RBMS3: variants seen among roughly 807,000 people sequenced by gnomAD.
RBMS3 encodes RNA-binding motif, single-stranded-interacting protein 3.
Under a neutral mutation model 66.8 loss-of-function variants are expected in RBMS3, and 27 were observed. The observed-to-expected ratio is 0.40, with a 90% CI of 0.30 to 0.56. The LOEUF (loss-of-function observed/expected upper bound fraction) is 0.56. Among genes scored for constraint, RBMS3 ranks in the 20% least tolerant of loss-of-function variants. The pLI is 0.40. For synonymous variants in RBMS3, 188 were observed against 183.0 expected (o/e 1.03, Z -0.22); for missense variants, 513 against 549.5 (o/e 0.93, Z 0.66).
chr3:29,622,125 A>T (rs1188352387), intron 4 of RBMS3, among the ~76,000 whole-genome samples: 1 of 152,250 alleles, frequency 6.6e-6, no homozygotes, highest in Non-Finnish European at 1.5e-5. Flanking sequence ...GAATATATTC[A>T]TGTATTCCTC....
chr3:29,640,425 A>G (rs1338913079), intron 4 of RBMS3, among the ~76,000 whole-genome samples: 1 of 151,992 alleles, frequency 6.6e-6, no homozygotes, highest in South Asian at 2.1e-4. Flanking sequence ...CATTTTAAAC[A>G]AACACAATTC....
At chr3:29,626,217 A>G (rs1047178678) in intron 4 of RBMS3, among the ~76,000 whole-genome samples, 1 of 152,222 alleles carries the variant, frequency 6.6e-6, no homozygotes, top group African/African-American at 2.4e-5. Context: ...CAAGTCACTT[A>G]AACTCTGCGT....
At chr3:29,426,841 A>G (rs1398619984) in intron 1 of RBMS3, among the ~76,000 whole-genome samples, 2 of 151,096 alleles carry the variant, frequency 1.3e-5, no homozygotes, top group Non-Finnish European at 3.0e-5. Context: ...TAATGATGAG[A>G]AAACAAAGAA....
rs146449069 is a variant in RBMS3, at chr3:29,331,373, G to A, written c.75+49617G>A. ...CAGCTCCCTTTCCTTAAGTTAAGAC[G>A]AACTCCAATATGTAACTTACAGCCT... On this transcript the variant is annotated intron_variant, in intron 1 of 14. Coordinates refer to ENST00000383767, the MANE Select transcript of RBMS3 (RefSeq NM_001003793.3). 4.1e-3 allele frequency among the ~76,000 whole-genome samples: 631 copies of A among 152,140 alleles called. 6 individuals carry two copies. The highest frequency in any genetic ancestry group is 0.015 in the African/African-American group (607 of 41,524).
chr3:29,763,226 C>G lies in RBMS3; in HGVS notation c.637+237C>G, dbSNP rs569969030. Among the ~76,000 whole-genome samples the G allele has an allele frequency of 3.3e-5, 5 of 152,066 alleles. No homozygotes were observed. In the South Asian group the frequency reaches 8.3e-4, roughly 25 times the overall value. On this transcript the variant is annotated intron_variant, in intron 6 of 14. Coordinates refer to ENST00000383767, the MANE Select transcript of RBMS3 (RefSeq NM_001003793.3). ...TTTCTAAAGTGGATTAGAAGAAAAC[C>G]ATAGCAAAGAATAGTTAAAGAATGA...
intron 1 of RBMS3, among the ~76,000 whole-genome samples, chr3:29,340,010 A>T (rs1442837747): frequency 6.6e-6 from 1 of 152,166 alleles, no homozygotes; most frequent in Non-Finnish European, 1.5e-5. Context: ...TTGGGGCCAG[A>T]CACAAACATT....
At chr3:29,355,322 C>A (rs1004927695) in intron 1 of RBMS3, among the ~76,000 whole-genome samples, 1 of 151,870 alleles carries the variant, frequency 6.6e-6, no homozygotes, top group Non-Finnish European at 1.5e-5. Context: ...GATAAAAAAC[C>A]TGTTTAATAA....
chr3:29,491,044 T>C (rs183699476), intron 3 of RBMS3, among the ~76,000 whole-genome samples: 3 of 152,262 alleles, frequency 2.0e-5, no homozygotes, highest in Admixed American at 2.0e-4. Flanking sequence ...GTTGTCACAG[T>C]ACAACTCTGA....
chr3:29,839,772 G>A (rs2058617952), intron 6 of RBMS3, among the ~76,000 whole-genome samples: 1 of 151,680 alleles, frequency 6.6e-6, no homozygotes. Flanking sequence ...TTTCTTCTTT[G>A]TGTTCTGTAC....
At chr3:29,417,365 C>T (rs1376273732) in intron 1 of RBMS3, among the ~76,000 whole-genome samples, 1 of 151,986 alleles carries the variant, frequency 6.6e-6, no homozygotes, top group Non-Finnish European at 1.5e-5. Flanking sequence ...TTTTCATAAT[C>T]AAGTATGTAA....
intron 4 of RBMS3, among the ~76,000 whole-genome samples, chr3:29,652,630 A>C (rs1005604883): frequency 6.6e-6 from 1 of 152,136 alleles, no homozygotes; most frequent in Non-Finnish European, 1.5e-5. Context: ...GAAGTTTCTA[A>C]ATTGATCCAT....
intron 3 of RBMS3, among the ~76,000 whole-genome samples, chr3:29,562,850 G>A (rs759010377): frequency 6.6e-6 from 1 of 152,084 alleles, no homozygotes; most frequent in Non-Finnish European, 1.5e-5. Context: ...CAAAATTATT[G>A]TGTGTTAAAA....
At chr3:29,781,097 T>C (rs1331066608) in intron 6 of RBMS3, among the ~76,000 whole-genome samples, 4 of 151,596 alleles carry the variant, frequency 2.6e-5, no homozygotes, top group Non-Finnish European at 5.9e-5. Flanking sequence ...GTATGTCTCC[T>C]AATGCTATCC....
At chr3:29,575,248 G>A (rs531304815) in intron 3 of RBMS3, among the ~76,000 whole-genome samples, 1 of 151,642 alleles carries the variant, frequency 6.6e-6, no homozygotes, top group East Asian at 1.9e-4. Flanking sequence ...ACACTTGAAG[G>A]ATATCTTTGT....
chr3:29,407,045 G>T (rs564490443), intron 1 of RBMS3, among the ~76,000 whole-genome samples: 2 of 152,122 alleles, frequency 1.3e-5, no homozygotes, highest in Non-Finnish European at 2.9e-5. Context: ...GGGTCTCCAG[G>T]TTGAAGTTCT....
At chr3:29,638,545 T>C (rs1369053859) in intron 4 of RBMS3, among the ~76,000 whole-genome samples, 1 of 151,890 alleles carries the variant, frequency 6.6e-6, no homozygotes, top group East Asian at 1.9e-4. Context: ...CTTCTGTTAC[T>C]TGGCAGAGCT....
chr3:29,608,382 A>G (rs908900265), intron 4 of RBMS3, among the ~76,000 whole-genome samples: 14 of 152,026 alleles, frequency 9.2e-5, no homozygotes, highest in African/African-American at 3.4e-4. Flanking sequence ...TAATAAAGCT[A>G]GTAGAATATT....
chr3:29,714,976 G>T (rs1289671294), intron 4 of RBMS3, among the ~76,000 whole-genome samples: 2 of 151,730 alleles, frequency 1.3e-5, no homozygotes, highest in Non-Finnish European at 2.9e-5. Flanking sequence ...ATCTTGTGTA[G>T]TTTCATCCCT....
intron 1 of RBMS3, among the ~76,000 whole-genome samples, chr3:29,407,414 G>T (rs1180616013): frequency 6.6e-6 from 1 of 152,126 alleles, no homozygotes; most frequent in Non-Finnish European, 1.5e-5. Flanking sequence ...GCATTCTGTG[G>T]CTGAACATTA....
Sources: allele counts gnomAD v4.1 joint callset (sites outside exome capture counted in the v4.1 genomes callset), GRCh38; gene constraint gnomAD v4.1.1; transcripts MANE v1.5; gene names NCBI Gene and HGNC (gene_info 2026-07-23, HGNC 2026-07-21).